The following ZNF385D variants were observed in gnomAD, a reference collection of about 807,000 sequenced individuals.
The protein encoded by ZNF385D is zinc finger protein 659.
In ZNF385D, 15 loss-of-function variants were observed where a neutral mutation model predicts 35.8. The ratio of observed to expected loss-of-function variants is 0.42; its 90% confidence interval spans 0.28 to 0.64. The LOEUF is 0.64. Ranked by LOEUF, ZNF385D falls within the 30% of genes least tolerant of loss-of-function variation. The pLI is 0.23. For missense variants in ZNF385D, 474 were observed against 494.6 expected, an observed-to-expected ratio of 0.96 and a Z score of 0.39; for synonymous variants, 212 against 186.8, an observed-to-expected ratio of 1.13 and a Z score of -1.10.
intron 3 of ZNF385D, among the ~76,000 whole-genome samples, chr3:22,135,035 A>C (rs533185846): frequency 6.6e-6 from 1 of 152,304 alleles, no homozygotes; most frequent in Non-Finnish European, 1.5e-5. Context: ...ATCATAAGAG[A>C]ATCATAGTAG....
chr3:21,512,196 A>G (rs1707269041), intron 3 of ZNF385D, among the ~76,000 whole-genome samples: 1 of 151,954 alleles, frequency 6.6e-6, no homozygotes, highest in Non-Finnish European at 1.5e-5. Context: ...TCATATTTAA[A>G]TAAATGTATG....
At chr3:22,136,397 A>G (rs941901793) in intron 3 of ZNF385D, among the ~76,000 whole-genome samples, 1 of 152,012 alleles carries the variant, frequency 6.6e-6, no homozygotes, top group Non-Finnish European at 1.5e-5. Context: ...AAAAAAAAAA[A>G]AAGTATCAAC....
intron 1 of ZNF385D, among the ~76,000 whole-genome samples, chr3:21,711,128 G>A (rs2068091561): frequency 7.2e-6 from 1 of 138,364 alleles, no homozygotes; most frequent in African/African-American, 2.7e-5. Context: ...TGCAACTTCC[G>A]CCTCCCGTGT....
chr3:21,987,756 CAG>C (rs1694893229), intron 3 of ZNF385D, among the ~76,000 whole-genome samples: 1 of 140,640 alleles, frequency 7.1e-6, no homozygotes, highest in Non-Finnish European at 1.5e-5. Context: ...TAATATCCTG[CAG>C]AGTGTTTTCC....
At chr3:21,971,040 G>A (rs1419441528) in intron 3 of ZNF385D, among the ~76,000 whole-genome samples, 3 of 152,002 alleles carry the variant, frequency 2.0e-5, no homozygotes, top group African/African-American at 7.2e-5. Flanking sequence ...TTATCAACAC[G>A]AGACCTGTCC....
chr3:21,793,856 C>G (rs1020300052), intron 3 of ZNF385D, among the ~76,000 whole-genome samples: 1 of 152,184 alleles, frequency 6.6e-6, no homozygotes, highest in Non-Finnish European at 1.5e-5. Context: ...GTTTAGGGAA[C>G]CATTCTCAGG....
In ZNF385D at chr3:21,917,153, C is replaced by G. The variant is rs1157505098; in HGVS notation, c.325+251664G>C. On this transcript the variant is annotated intron_variant, in intron 3 of 5. Transcript: ENST00000494108. ...AGAAACAAAATCGTGGAAGTCTGGC[C>G]TGGTGCGGTGGCTCATGGCTGTAAT... 3.3e-5 allele frequency among the ~76,000 whole-genome samples: 5 copies of G among 152,130 alleles called. No individual in the cohort carries two copies. The East Asian group carries it at 9.6e-4, about 29-fold the overall frequency.
At chr3:21,595,557 C>T (rs536372900) in intron 2 of ZNF385D, among the ~76,000 whole-genome samples, 1 of 151,138 alleles carries the variant, frequency 6.6e-6, no homozygotes, top group Non-Finnish European at 1.5e-5. Context: ...AAACAGTATA[C>T]CTACTACGTG....
At chr3:21,498,163 A>G (rs1706063235) in intron 4 of ZNF385D, among the ~76,000 whole-genome samples, 1 of 152,206 alleles carries the variant, frequency 6.6e-6, no homozygotes, top group South Asian at 2.1e-4. Context: ...GTAGTTAGCT[A>G]TATGCAGAAG....
intron 2 of ZNF385D, among the ~76,000 whole-genome samples, chr3:22,225,127 T>G (rs1004709263): frequency 1.3e-5 from 2 of 152,214 alleles, no homozygotes; most frequent in African/African-American, 2.4e-5. Flanking sequence ...CCTGACTTTA[T>G]GTAGTGTTAA....
At chr3:21,644,537 T>G (rs900703420) in intron 2 of ZNF385D, among the ~76,000 whole-genome samples, 1 of 152,130 alleles carries the variant, frequency 6.6e-6, no homozygotes, top group African/African-American at 2.4e-5. Context: ...ATGGGAGAAA[T>G]GCAAACTCCA....
chr3:21,673,790 G>A (rs2066645026), intron 1 of ZNF385D, among the ~76,000 whole-genome samples: 1 of 152,118 alleles, frequency 6.6e-6, no homozygotes, highest in African/African-American at 2.4e-5. Flanking sequence ...GCCAGTCATA[G>A]GGCAAAGGAG....
At chr3:22,185,186 G>T (rs182578814) in intron 2 of ZNF385D, among the ~76,000 whole-genome samples, 6 of 148,500 alleles carry the variant, frequency 4.0e-5, no homozygotes, top group Non-Finnish European at 7.5e-5. Flanking sequence ...CTTTAAAATT[G>T]CAAGTTTCAA....
intron 3 of ZNF385D, among the ~76,000 whole-genome samples, chr3:21,921,440 T>C (rs1700456503): frequency 6.6e-6 from 1 of 152,150 alleles, no homozygotes; most frequent in Non-Finnish European, 1.5e-5. Context: ...TATGACAAGA[T>C]ATGTCACATT....
chr3:21,953,906 A>T (rs1222294961), intron 3 of ZNF385D, among the ~76,000 whole-genome samples: 1 of 152,082 alleles, frequency 6.6e-6, no homozygotes, highest in Non-Finnish European at 1.5e-5. Context: ...GCAGCAAAGC[A>T]CTAACAGAAT....
chr3:22,071,939 G>A (rs929894857), intron 3 of ZNF385D, among the ~76,000 whole-genome samples: 5 of 151,852 alleles, frequency 3.3e-5, no homozygotes, highest in Non-Finnish European at 7.4e-5. Context: ...TGCAAGGTCT[G>A]GTAACTCATT....
chr3:21,754,049 A>C (rs141101228), upstream of ZNF385D, among the ~76,000 whole-genome samples: 1 of 152,224 alleles, frequency 6.6e-6, no homozygotes, highest in South Asian at 2.1e-4. Context: ...ATAGTATTCC[A>C]TTATGTATAT....
At chr3:22,191,433 G>C (rs1254644167) in intron 2 of ZNF385D, among the ~76,000 whole-genome samples, 1 of 150,970 alleles carries the variant, frequency 6.6e-6, no homozygotes, top group Non-Finnish European at 1.5e-5. Flanking sequence ...GATGCAGTGA[G>C]CCGAGATAGT....
chr3:21,442,507 A>C (rs1373195829), intron 4 of ZNF385D, among the ~76,000 whole-genome samples: 1 of 152,202 alleles, frequency 6.6e-6, no homozygotes, highest in Non-Finnish European at 1.5e-5. Context: ...AAACAAAAAC[A>C]AAAACAAACC....
Sources: gnomAD v4.1 joint callset for allele counts (sites outside exome capture counted in the v4.1 genomes callset) on GRCh38, gnomAD v4.1.1 for gene constraint, MANE v1.5 for transcripts, NCBI Gene and HGNC (gene_info 2026-07-23, HGNC 2026-07-21) for gene names.